The following KLF10 variants were observed in gnomAD, a reference collection of about 807,000 sequenced individuals.
KLF10 encodes KLF transcription factor 10, also known as Krueppel-like factor 10.
In KLF10, 17 loss-of-function variants were observed where a neutral mutation model predicts 31.6. That is an observed-to-expected ratio of 0.54 (90% CI 0.37 to 0.81). The LOEUF (loss-of-function observed/expected upper bound fraction) is 0.81. Among genes scored for constraint, KLF10 ranks in the 30% least tolerant of loss-of-function variants. KLF10 has a pLI of 0.00. For synonymous variants in KLF10, 239 were observed against 215.1 expected (o/e 1.11, Z -0.97); for missense variants, 525 against 598.1 (o/e 0.88, Z 1.27).
intron 1 of KLF10, chr8:102,653,945 G>A (rs1461682138): frequency 1.0e-6 from 1 of 987,652 alleles, no homozygotes; most frequent in Admixed American, 6.2e-5. Flanking sequence ...ACCGACGGAT[G>A]GGGCCGCCCT....
At position 102,651,826 on chromosome 8, in the gene KLF10, G is replaced by A. The variant is rs764848278; in HGVS notation, c.506C>T (p.Thr169Ile). 1 of 1,614,078 alleles carries A rather than the reference G, an allele frequency of 6.2e-7. No individual in the cohort carries two copies. The highest frequency in any genetic ancestry group is 8.5e-7 in the Non-Finnish European group (1 of 1,180,042). Residue 169 changes from threonine to isoleucine, a missense_variant, in exon 3 of 4, where the codon ACC becomes ATC. By Grantham distance (89) the Thr-to-Ile change is moderately conservative (BLOSUM62 -1). Transcript: ENST00000285407. ...GATGCTGGCTGCTTTCATTGGGCAG[G>A]TCTGGTGGTTACATAGCTGGGCATC... ...TADAQLCNHQTCPMKAASILN... is the reference protein window; with the variant it reads ...TADAQLCNHQICPMKAASILN...
chr8:102,652,497 C>A (rs1263527412), intron 1 of KLF10, 100 bp from the exon 2 acceptor site: 4 of 594,358 alleles, frequency 6.7e-6, no homozygotes, highest in Admixed American at 3.1e-5. Flanking sequence ...TTTTACAACT[C>A]ACACAACTTT....
chr8:102,655,087 G>C (rs563967221), intron 1 of KLF10, among the ~76,000 whole-genome samples: 1 of 152,106 alleles, frequency 6.6e-6, no homozygotes, highest in East Asian at 1.9e-4. Context: ...CCCGCCTCCC[G>C]AGTGCTTGCG....
At chr8:102,652,650 T>C (rs1827245344) in intron 1 of KLF10, among the ~76,000 whole-genome samples, 1 of 152,144 alleles carries the variant, frequency 6.6e-6, no homozygotes, top group African/African-American at 2.4e-5. Context: ...ATTTAGACTT[T>C]AACACTGATA....
chr8:102,653,959 C>T lies in KLF10; in HGVS notation c.37-1562G>A, dbSNP rs1206255007. The T allele has an allele frequency of 4.1e-6, 4 of 986,472 alleles. No individual in the cohort carries two copies. In the South Asian group the frequency reaches 1.4e-4, roughly 34 times the overall value. 61.1% of individuals were successfully genotyped at this position (986,472 alleles called of 1,614,324 possible). A position where few individuals can be genotyped will look rare whatever the true frequency, so the allele number is the denominator to read the frequency against. On this transcript the variant is annotated intron_variant, in intron 1 of 3. Transcript: ENST00000285407. Reference sequence around the variant, plus strand: ...GACCGACGGATGGGGCCGCCCTAACCTCAATGAGGCTCACGGGTGAGTCAC... The same window carrying T: ...GACCGACGGATGGGGCCGCCCTAACTTCAATGAGGCTCACGGGTGAGTCAC...
chr8:102,653,129 GA>G (rs571325015), intron 1 of KLF10, among the ~76,000 whole-genome samples: 3 of 152,176 alleles, frequency 2.0e-5, no homozygotes, highest in African/African-American at 4.8e-5. Context: ...GATATACATA[GA>G]AAAAAATTCT....
At position 102,655,655 on chromosome 8, in the gene KLF10, G is replaced by C. The variant is rs966189370; in HGVS notation, c.-54C>G. The C allele has an allele frequency of 6.2e-7, 1 of 1,605,450 alleles. No individual in the cohort carries two copies. The highest frequency in any genetic ancestry group is 1.3e-5 in the African/African-American group (1 of 74,900). On this transcript the variant is annotated 5_prime_UTR_variant, in exon 1 of 4. Coordinates refer to ENST00000285407, the MANE Select transcript of KLF10 (RefSeq NM_005655.4). ...CTGACTGGCTGCTAGGCTGCTGGCT[G>C]CTTGGCCACAGACGGGCGCACGGAG...
chr8:102,651,934 G>A lies in KLF10; in HGVS notation c.398C>T (p.Pro133Leu). 1.9e-6 allele frequency: 3 copies of A among 1,614,082 alleles called. No individual in the cohort carries two copies. Among genetic ancestry groups the A allele is most frequent in the Non-Finnish European group, 2.5e-6 (3 of 1,180,032 alleles). Residue 133 changes from proline to leucine, a missense_variant, in exon 3 of 4, where the codon CCT (proline) becomes CTT (leucine). Physicochemically the swap from Pro to Leu is moderately conservative, Grantham distance 98 (BLOSUM62 -3). This residue lies in a region of KLF10 where 434 missense variants were observed against 450.7 expected (regional missense o/e 0.96). Coordinates refer to ENST00000285407, the MANE Select transcript of KLF10 (RefSeq NM_005655.4). ...SDTAKPHIAA[P>L]FKEEEKSPVS... ...TGGGCTCTTTTCTTCCTCTTTGAAA[G>A]GTGCGGCAATGTGAGGTTTGGCAGT... is the stretch of plus-strand genomic sequence containing the variant.
intron 1 of KLF10, chr8:102,653,744 CA>C: frequency 7.0e-6 from 8 of 1,143,948 alleles, no homozygotes; most frequent in East Asian, 4.2e-5. Flanking sequence ...GACGCCAATG[CA>C]AAAAAAGGAA....
intron 1 of KLF10, among the ~76,000 whole-genome samples, chr8:102,653,144 GTTTAT>G (rs1039827259): frequency 3.3e-5 from 5 of 151,274 alleles, no homozygotes; most frequent in African/African-American, 1.2e-4. Flanking sequence ...AAATTCTAAT[GTTTAT>G]TTTAATTAAC....
Position 102,649,373 on chromosome 8 carries a change from A to G in KLF10, c.*759T>C, listed in dbSNP as rs1827152306. 6.6e-6 allele frequency: 1 copy of G among 152,088 alleles called. No individual in the cohort carries two copies. The allele number at this position is 152,088 out of a possible 1,614,324, so 9.4% of individuals were successfully genotyped here. A position where few individuals can be genotyped will look rare whatever the true frequency, so the allele number is the denominator to read the frequency against. On this transcript the variant is annotated 3_prime_UTR_variant, in exon 4 of 4. Coordinates refer to ENST00000285407, the MANE Select transcript of KLF10 (RefSeq NM_005655.4). ...AAAACACATTGGTATACAATTTTCAAATCTACACAAGAAACTGCAGGCAAA... is the reference window on the plus strand; with the variant it reads ...AAAACACATTGGTATACAATTTTCAGATCTACACAAGAAACTGCAGGCAAA...
chr8:102,651,671 C>A lies in KLF10; in HGVS notation c.661G>T (p.Asp221Tyr), dbSNP rs200049120. ...TAAAGTGCAGCACTTGCTTTCTCAT[C>A]AACATCTGCCACTGTGTTTCTCTCA... Reference protein sequence around the residue: ...KCERNTVADVDEKASAALYDF... With the variant: ...KCERNTVADVYEKASAALYDF... Residue 221 changes from aspartate (D) to tyrosine (Y), a missense_variant, in exon 3 of 4, where the codon GAT (aspartate) becomes TAT (tyrosine). Coordinates refer to ENST00000285407, the MANE Select transcript of KLF10 (RefSeq NM_005655.4). The A allele has an allele frequency of 5.1e-5, 82 of 1,614,130 alleles. No individual in the cohort carries two copies. The highest frequency in any genetic ancestry group is 6.6e-5 in the Non-Finnish European group (78 of 1,180,050).
In KLF10 at chr8:102,650,087, C is replaced by A; in HGVS notation, c.*45G>T. On this transcript the variant is annotated 3_prime_UTR_variant, in exon 4 of 4. Coordinates refer to ENST00000285407, the MANE Select transcript of KLF10 (RefSeq NM_005655.4). ...AAGCATTTTTACATCACCACTGGCTCCCGCTGAGACCAAAGTTAGTTCTGA... is the reference window on the plus strand; with the variant it reads ...AAGCATTTTTACATCACCACTGGCTACCGCTGAGACCAAAGTTAGTTCTGA... 6.3e-7 allele frequency: 1 copy of A among 1,599,930 alleles called. No individual in the cohort carries two copies. The highest frequency in any genetic ancestry group is 8.5e-7 in the Non-Finnish European group (1 of 1,171,764).
At position 102,649,215 on chromosome 8, in the gene KLF10, AG is replaced by A. The variant is rs1381711643; in HGVS notation, c.*916del. 5.2e-5 allele frequency: 8 copies of A among 152,616 alleles called. No homozygotes were observed. 9.5% of individuals were successfully genotyped at this position (152,616 alleles called of 1,614,324 possible). ...CACACATTATATCCTCATAACATAA[AG>A]GTACTTTACTGATGACATAAGCCAT... On this transcript the variant is annotated 3_prime_UTR_variant, in exon 4 of 4. Coordinates refer to ENST00000285407, the MANE Select transcript of KLF10 (RefSeq NM_005655.4).
Position 102,655,592 on chromosome 8 carries a change from A to G in KLF10, c.10T>C (p.Phe4Leu), listed in dbSNP as rs149095394. Reference sequence around the variant, plus strand: ...GCAGTCTGCTGGAGAGAGGCACCGAAGTTGAGCATGGTTGGCTGCTTGGCC... The same window carrying G: ...GCAGTCTGCTGGAGAGAGGCACCGAGGTTGAGCATGGTTGGCTGCTTGGCC... Reference protein sequence around the residue: MLNFGASLQQTAEE... With the variant: MLNLGASLQQTAEE... The change falls in exon 1 of 4, where the codon TTC (phenylalanine) becomes CTC (leucine). Residue 4 changes from phenylalanine to leucine, a missense_variant. By Grantham distance (22) the Phe-to-Leu change is conservative. This residue lies in a region of KLF10 where 434 missense variants were observed against 450.7 expected (regional missense o/e 0.96). Coordinates refer to ENST00000285407, the MANE Select transcript of KLF10 (RefSeq NM_005655.4). 1.9e-6 allele frequency: 3 copies of G among 1,613,958 alleles called. No individual in the cohort carries two copies. In the African/African-American group the frequency reaches 4.0e-5, roughly 22 times the overall value.
In KLF10 at chr8:102,651,696, A is replaced by G; in HGVS notation, c.636T>C (p.Cys212=). Reference sequence around the variant, plus strand: ...CAACATCTGCCACTGTGTTTCTCTCACATTTGGATCTGTTTGGTGACACAG... The same window carrying G: ...CAACATCTGCCACTGTGTTTCTCTCGCATTTGGATCTGTTTGGTGACACAG... ...CAAVSPNRSK[C]ERNTVADVDE... The change falls in exon 3 of 4, where the codon TGT becomes TGC. Residue 212 remains cysteine (C), a synonymous_variant. Transcript: ENST00000285407. 6.2e-7 allele frequency: 1 copy of G among 1,614,200 alleles called. No individual in the cohort carries two copies. Among genetic ancestry groups the G allele is most frequent in the Non-Finnish European group, 8.5e-7 (1 of 1,180,034 alleles).
rs770558130 is a variant in KLF10, at chr8:102,652,005, C to G, written c.327G>C (p.Leu109=). 1.2e-6 allele frequency: 2 copies of G among 1,613,402 alleles called. No homozygotes were observed. The highest frequency in any genetic ancestry group is 1.7e-6 in the Non-Finnish European group (2 of 1,179,870). Residue 109 remains leucine (L), a synonymous_variant, in exon 3 of 4, where the codon CTG becomes CTC. Transcript: ENST00000285407. ...SDFEPSQVSN[L]MAPAPSTVHF... ...GTACAGTAGATGGCGCTGGTGCCATCAGATTTGACACTTGAGAGGGTTCAA... is the reference window on the plus strand; with the variant it reads ...GTACAGTAGATGGCGCTGGTGCCATGAGATTTGACACTTGAGAGGGTTCAA...
chr8:102,651,212 G>A lies in KLF10; in HGVS notation c.1120C>T (p.Pro374Ser), dbSNP rs777865511. ...TTAAAGTATGTCTTGCCACATCCTG[G>A]GTGGCTACAGATGTGACTCCTTATC... ...SRIRSHICSH[P>S]GCGKTYFKSS... The change falls in exon 3 of 4, where the codon CCA (proline) becomes TCA (serine). Residue 374 changes from proline to serine, a missense_variant. Around this residue, in one of 3 missense-constraint regions of KLF10, gnomAD observed 49 missense variants for 105.0 expected, o/e 0.47. Coordinates refer to ENST00000285407, the MANE Select transcript of KLF10 (RefSeq NM_005655.4). The A allele has an allele frequency of 1.3e-6, 2 of 1,543,314 alleles. No individual in the cohort carries two copies. Among genetic ancestry groups the A allele is most frequent in the Admixed American group, 2.1e-5 (1 of 48,168 alleles).
intron 1 of KLF10, chr8:102,653,797 A>G (rs1040086934): frequency 9.5e-7 from 1 of 1,056,706 alleles, no homozygotes; most frequent in Non-Finnish European, 1.1e-6. Context: ...GTGAGCTGGG[A>G]AGGACAGGAA....
Sources: gnomAD v4.1 joint callset for allele counts (sites outside exome capture counted in the v4.1 genomes callset) on GRCh38, gnomAD v4.1.1 for gene constraint, gnomAD v4.1.1 regional missense constraint, MANE v1.5 for transcripts, NCBI Gene and HGNC (gene_info 2026-07-23, HGNC 2026-07-21) for gene names.